TNS1: variants seen among roughly 807,000 people sequenced by gnomAD.
TNS1 encodes the protein tensin-1.
Under a neutral mutation model 168.6 loss-of-function variants are expected in TNS1, and 62 were observed. The ratio of observed to expected loss-of-function variants is 0.37; its 90% CI spans 0.30 to 0.45. The LOEUF (loss-of-function observed/expected upper bound fraction) is 0.45. Ranked by LOEUF, TNS1 falls within the 20% of genes least tolerant of loss-of-function variation. TNS1 has a pLI of 1.00. For missense variants in TNS1, 2,240 were observed against 2,339.4 expected, an observed-to-expected ratio of 0.96 and a Z score of 0.88; for synonymous variants, 934 against 933.2, an observed-to-expected ratio of 1.00 and a Z score of -0.02.
At chr2:217,931,615 G>A (rs372946468) in intron 3 of TNS1, among the ~76,000 whole-genome samples, 2 of 152,144 alleles carry the variant, frequency 1.3e-5, no homozygotes, top group East Asian at 1.9e-4. Context: ...GGACAAGGGC[G>A]TAGAGACCTC....
At chr2:218,021,635 G>C (rs762709146) in intron 1 of TNS1, among the ~76,000 whole-genome samples, 2 of 152,110 alleles carry the variant, frequency 1.3e-5, no homozygotes, top group African/African-American at 2.4e-5. Context: ...CTCTGCCCAC[G>C]TGTTGCCCAC....
At position 217,804,625 on chromosome 2, in the gene TNS1, G is replaced by A. The variant is rs191818154; in HGVS notation, c.5376-22C>T. 114 of 1,613,292 alleles carry A rather than the reference G, an allele frequency of 7.1e-5. No individual in the cohort carries two copies. In the Admixed American group the frequency reaches 8.2e-4, roughly 12 times the overall value. The stretch of plus-strand genomic sequence containing the variant: ...GAGCCTGCAGGCGGGAGAGGGCAAC[G>A]GGCATGAGGGAAGGGCAAGTGGAAC... On this transcript the variant is annotated intron_variant, in intron 32 of 32. Coordinates refer to ENST00000682258, the MANE Select transcript of TNS1 (RefSeq NM_001387777.1).
chr2:217,916,265 A>G (rs1159798216), intron 4 of TNS1, among the ~76,000 whole-genome samples: 5 of 151,710 alleles, frequency 3.3e-5, no homozygotes, highest in Non-Finnish European at 7.4e-5. Flanking sequence ...CCTACTGGGC[A>G]ATTCCTATTC....
chr2:217,818,640 G>A lies in TNS1; in HGVS notation c.3692C>T (p.Ala1231Val). The change falls in exon 24 of 33, where the codon GCC becomes GTC. Residue 1231 changes from alanine (A) to valine (V), a missense_variant. Ala to Val is a moderately conservative substitution (Grantham distance 64). This residue lies in a region of TNS1 where 2,131 missense variants were observed against 2,171.2 expected (regional missense o/e 0.98). Transcript: ENST00000682258. ...AGAAGAGCTCTGGTAGTTTCTCTGG[G>A]CAGACGGGCTGGGCTGTCCCAGGCT... ...SGSLGQPSPS[A>V]QRNYQSSSPL... 15 of 1,614,226 alleles carry A rather than the reference G, an allele frequency of 9.3e-6. No homozygotes were observed. Among genetic ancestry groups the A allele is most frequent in the Non-Finnish European group, 1.1e-5 (13 of 1,180,038 alleles).
rs375031109 is a variant in TNS1 at position 217,948,098 on chromosome 2, C to T, written c.187-27862G>A. On this transcript the variant is annotated intron_variant, in intron 3 of 32. Coordinates refer to ENST00000682258, the MANE Select transcript of TNS1 (RefSeq NM_001387777.1). The surrounding 1 kb of genome is among the most constrained non-coding windows in gnomAD (Gnocchi z 4.1). ...GAATTCCAGGTCCCAGCACTACCTC[C>T]GGAGGGCACCACATCACCCGACTCC... is the stretch of plus-strand genomic sequence containing the variant. 8.5e-5 allele frequency among the ~76,000 whole-genome samples: 13 copies of T among 152,194 alleles called. No homozygotes were observed. Among genetic ancestry groups the T allele is most frequent in the African/African-American group, 2.9e-4 (12 of 41,446 alleles).
intron 6 of TNS1, chr2:217,905,437 G>A (rs1346873325): frequency 2.4e-6 from 1 of 421,898 alleles, no homozygotes. Context: ...GTGGCAGTGG[G>A]CTCACCATGG....
intron 22 of TNS1, among the ~76,000 whole-genome samples, chr2:217,825,168 G>A (rs933204464): frequency 2.6e-5 from 4 of 152,208 alleles, no homozygotes; most frequent in African/African-American, 9.7e-5. Flanking sequence ...CTGCATCCCT[G>A]AAGGCAGACT....
At chr2:217,850,469 G>T (rs949250733) in intron 18 of TNS1, 1 of 985,218 alleles carries the variant, frequency 1.0e-6, no homozygotes, top group Non-Finnish European at 1.2e-6. Flanking sequence ...AAAAGTGAGC[G>T]CTGGGTGGCT....
In TNS1 at chr2:217,995,875, C is replaced by CA. The variant is rs1311526352; in HGVS notation, c.34-4820dup. On this transcript the variant is annotated intron_variant, in intron 1 of 32. Coordinates refer to ENST00000682258, the MANE Select transcript of TNS1 (RefSeq NM_001387777.1). The surrounding 1 kb of genome is among the most constrained non-coding windows in gnomAD (Gnocchi z 4.1). ...CCTCCAAGCCCAGAGCTCTAGCCCC[C>CA]ACCCTGCCACCAGCCCACCCAGCAT... is the stretch of plus-strand genomic sequence containing the variant. 7.2e-5 allele frequency among the ~76,000 whole-genome samples: 11 copies of CA among 152,342 alleles called. No homozygotes were observed. Among genetic ancestry groups the CA allele is most frequent in the African/African-American group, 2.2e-4 (9 of 41,578 alleles).
At chr2:217,962,032 A>G (rs1166279959) in intron 3 of TNS1, among the ~76,000 whole-genome samples, 1 of 152,222 alleles carries the variant, frequency 6.6e-6, no homozygotes, top group East Asian at 1.9e-4. Flanking sequence ...TCTCTGGCCT[A>G]CACACTTCAC....
chr2:217,814,702 C>G (rs757972187), intron 25 of TNS1, among the ~76,000 whole-genome samples: 2 of 152,144 alleles, frequency 1.3e-5, no homozygotes, highest in South Asian at 4.2e-4. Flanking sequence ...TTTTAAGAAC[C>G]CTTCCAAGAG....
rs2125159319 is a variant in TNS1 at position 217,818,284 on chromosome 2, G to T, written c.4048C>A (p.Leu1350Met). Reference sequence around the variant, plus strand: ...TAGACCCCTGCTGGGTGCCGACACAGGCTGGGGCTCCCCGGGGTGGTCGCT... The same window carrying T: ...TAGACCCCTGCTGGGTGCCGACACATGCTGGGGCTCCCCGGGGTGGTCGCT... The part of the protein sequence containing the change: ...SAATTPGSPS[L>M]CRHPAGVYQV... Residue 1350 changes from leucine (L) to methionine (M), a missense_variant, in exon 24 of 33, where the codon CTG (leucine) becomes ATG (methionine). Around this residue, in one of 2 missense-constraint regions of TNS1, gnomAD observed 2,131 missense variants for 2,171.2 expected, o/e 0.98. Coordinates refer to ENST00000682258, the MANE Select transcript of TNS1 (RefSeq NM_001387777.1). 6.2e-7 allele frequency: 1 copy of T among 1,613,598 alleles called. No individual in the cohort carries two copies. The highest frequency in any genetic ancestry group is 2.2e-5 in the East Asian group (1 of 44,854).
intron 18 of TNS1, among the ~76,000 whole-genome samples, chr2:217,868,403 A>G (rs1035674): frequency 0.94 from 143,798 of 152,274 alleles, 67,949 homozygotes; most frequent in East Asian, 1. Flanking sequence ...TGGGGAAAAG[A>G]TTCACAGACA....
chr2:217,878,035 C>A (rs910874218), intron 18 of TNS1, among the ~76,000 whole-genome samples: 12 of 152,314 alleles, frequency 7.9e-5, no homozygotes, highest in South Asian at 2.1e-4. Flanking sequence ...CCTTGGACAC[C>A]CTTCCCTCTA....
intron 3 of TNS1, among the ~76,000 whole-genome samples, chr2:217,926,747 C>T (rs1196587579): frequency 6.6e-6 from 1 of 152,250 alleles, no homozygotes; most frequent in Non-Finnish European, 1.5e-5. Flanking sequence ...CTCACAACCA[C>T]CCACGAGGCA....
At chr2:217,915,920 G>C (rs1426027409) in intron 4 of TNS1, among the ~76,000 whole-genome samples, 1 of 152,168 alleles carries the variant, frequency 6.6e-6, no homozygotes, top group African/African-American at 2.4e-5. Context: ...AACGGCAAGT[G>C]CTATGCAAGT....
chr2:217,896,456 T>A (rs1952308942), intron 8 of TNS1, among the ~76,000 whole-genome samples: 1 of 152,132 alleles, frequency 6.6e-6, no homozygotes, highest in Admixed American at 6.5e-5. Flanking sequence ...AGAGAGACAC[T>A]GAAGAAGGCC....
In TNS1 at chr2:217,848,025, T is replaced by C. The variant is rs777741641; in HGVS notation, c.2492A>G (p.Glu831Gly). ...CATATTGAGTGTTTCGATGGACTGTTCAATCTCCTGCTGGGAGGCTGCTCG... is the reference window on the plus strand; with the variant it reads ...CATATTGAGTGTTTCGATGGACTGTCCAATCTCCTGCTGGGAGGCTGCTCG... ...FPRAASQQEI[E>G]QSIETLNMLM... The change falls in exon 19 of 33, where the codon GAA (glutamate) becomes GGA (glycine). Residue 831 changes from glutamate (E) to glycine (G), a missense_variant. Glu to Gly is a moderately conservative substitution (Grantham distance 98). This residue lies in a region of TNS1 where 2,131 missense variants were observed against 2,171.2 expected (regional missense o/e 0.98). Transcript: ENST00000682258. 1 of 1,524,772 alleles carries C rather than the reference T, an allele frequency of 6.6e-7. No homozygotes were observed. The highest frequency in any genetic ancestry group is 2.1e-5 in the Admixed American group (1 of 46,792). 94.5% of individuals were successfully genotyped at this position (1,524,772 alleles called of 1,614,324 possible).
chr2:217,897,865 T>C lies in TNS1; in HGVS notation c.476A>G (p.Glu159Gly), dbSNP rs777218106. 2.5e-6 allele frequency: 4 copies of C among 1,613,668 alleles called. No individual in the cohort carries two copies. In the South Asian group the frequency reaches 4.4e-5, roughly 18 times the overall value. Reference protein sequence around the residue: ...AVSFPSTANEENFRSNLREVA... With the variant: ...AVSFPSTANEGNFRSNLREVA... ...CTCACGGAGGTTGCTCCGGAAGTTC[T>C]CCTCATTGGCTGTGCTGGGGAAGGA... Residue 159 changes from glutamate (E) to glycine (G), a missense_variant, in exon 8 of 33, where the codon GAG becomes GGG. By Grantham distance (98) the Glu-to-Gly change is moderately conservative. Coordinates refer to ENST00000682258, the MANE Select transcript of TNS1 (RefSeq NM_001387777.1).
Sources: gnomAD v4.1 joint callset for allele counts (sites outside exome capture counted in the v4.1 genomes callset) on GRCh38, gnomAD v4.1.1 for gene constraint, gnomAD v4.1.1 regional missense constraint, Gnocchi (gnomAD v3.1) non-coding constraint, MANE v1.5 for transcripts, NCBI Gene and HGNC (gene_info 2026-07-23, HGNC 2026-07-21) for gene names.